NAV2: variants seen among roughly 807,000 people sequenced by gnomAD.
The protein encoded by NAV2 is helicase, APC down-regulated 1.
A neutral mutation model predicts 223.2 loss-of-function variants in NAV2; 54 were observed. That is an observed-to-expected ratio of 0.24 (90% CI 0.19 to 0.30). The LOEUF (loss-of-function observed/expected upper bound fraction) is 0.30, where lower values mean the gene tolerates loss of function less well. NAV2 is among the 10% of genes least tolerant of loss of function. The pLI is 1.00. For synonymous variants in NAV2, 1,279 were observed against 1,239.3 expected (o/e 1.03, Z -0.67); for missense variants, 2,806 against 3,147.5 (o/e 0.89, Z 2.60).
intron 1 of NAV2, among the ~76,000 whole-genome samples, chr11:19,521,288 C>A (rs1007539461): frequency 6.6e-5 from 10 of 152,118 alleles, no homozygotes; most frequent in African/African-American, 2.4e-4. Flanking sequence ...TGAGGAGACA[C>A]CAGGCTTCCT....
At chr11:19,812,366 G>A (rs996738734) in intron 1 of NAV2, among the ~76,000 whole-genome samples, 1 of 151,886 alleles carries the variant, frequency 6.6e-6, no homozygotes, top group Non-Finnish European at 1.5e-5. Context: ...TCCACTCCTG[G>A]CCATTCACTC....
At chr11:20,035,840 C>A in intron 11 of NAV2, 119 bp from the exon 12 acceptor site, 1 of 1,165,184 alleles carries the variant, frequency 8.6e-7, no homozygotes, top group Non-Finnish European at 1.2e-6. Flanking sequence ...AGAGCTTTGT[C>A]CGGGGCTTCA....
intron 1 of NAV2, among the ~76,000 whole-genome samples, chr11:19,605,928 A>C (rs2046465487): frequency 6.6e-6 from 1 of 152,146 alleles, no homozygotes; most frequent in African/African-American, 2.4e-5. Flanking sequence ...ATGAGGAGAG[A>C]GGGATAGTGG....
intron 1 of NAV2, among the ~76,000 whole-genome samples, chr11:19,772,310 G>A (rs1375002191): frequency 6.6e-6 from 1 of 152,192 alleles, no homozygotes; most frequent in Non-Finnish European, 1.5e-5. Context: ...GCAGACAACT[G>A]CAGAAATAGG....
chr11:19,714,838 C>T (rs1488012960), intron 1 of NAV2, among the ~76,000 whole-genome samples: 1 of 152,198 alleles, frequency 6.6e-6, no homozygotes, highest in African/African-American at 2.4e-5. Flanking sequence ...TTCTCTTGGT[C>T]CTCCCCGCTC....
chr11:19,696,063 A>C (rs2049330364), intron 1 of NAV2, among the ~76,000 whole-genome samples: 1 of 152,050 alleles, frequency 6.6e-6, no homozygotes, highest in Non-Finnish European at 1.5e-5. Flanking sequence ...AAAATGCTAC[A>C]TGACACTGAG....
At chr11:19,942,954 G>A (rs1420260606) in intron 8 of NAV2, among the ~76,000 whole-genome samples, 2 of 152,192 alleles carry the variant, frequency 1.3e-5, no homozygotes, top group Non-Finnish European at 2.9e-5. Context: ...CTGCACTCCA[G>A]CCTGAGCAAC....
intron 10 of NAV2, among the ~76,000 whole-genome samples, chr11:19,969,751 G>A (rs1391238406): frequency 6.6e-6 from 1 of 151,976 alleles, no homozygotes; most frequent in Non-Finnish European, 1.5e-5. Context: ...GACCATTGTG[G>A]TTAACATGGT....
intron 1 of NAV2, among the ~76,000 whole-genome samples, chr11:19,357,020 A>T (rs981535409): frequency 1.3e-5 from 2 of 152,200 alleles, no homozygotes; most frequent in Non-Finnish European, 2.9e-5. Flanking sequence ...GATAGCTCTG[A>T]ACATAAGTAA....
chr11:19,615,976 C>T (rs753626824), intron 1 of NAV2, among the ~76,000 whole-genome samples: 20 of 152,290 alleles, frequency 1.3e-4, no homozygotes, highest in Non-Finnish European at 1.9e-4. Flanking sequence ...GCCTCCCCAT[C>T]ATCATGCTCT....
chr11:19,976,158 G>A (rs955230170), intron 10 of NAV2, among the ~76,000 whole-genome samples: 1 of 152,074 alleles, frequency 6.6e-6, no homozygotes, highest in Admixed American at 6.6e-5. Flanking sequence ...ACCACTGCCC[G>A]GGTCCAGTGC....
intron 1 of NAV2, among the ~76,000 whole-genome samples, chr11:19,374,335 A>G (rs1426365390): frequency 1.7e-5 from 2 of 119,076 alleles, no homozygotes; most frequent in East Asian, 2.5e-4. Context: ...TTTTTTTTTA[A>G]AATCAGCTAT....
At chr11:19,807,288 C>T (rs919306343) in intron 1 of NAV2, among the ~76,000 whole-genome samples, 2 of 152,194 alleles carry the variant, frequency 1.3e-5, no homozygotes, top group African/African-American at 4.8e-5. Context: ...GGTCAGAACC[C>T]TGAAGCAGGA....
At chr11:19,739,731 C>T (rs1251195722) in intron 1 of NAV2, among the ~76,000 whole-genome samples, 1 of 152,162 alleles carries the variant, frequency 6.6e-6, no homozygotes, top group Non-Finnish European at 1.5e-5. Context: ...CTAGCTAAAC[C>T]TCTCTTTTGC....
intron 1 of NAV2, among the ~76,000 whole-genome samples, chr11:19,354,231 G>C (rs1853486500): frequency 6.6e-6 from 1 of 152,130 alleles, no homozygotes; most frequent in African/African-American, 2.4e-5. Context: ...TTTTCTTGAA[G>C]CCTATGTTTT....
chr11:19,722,992 C>G (rs1371114730), intron 1 of NAV2, among the ~76,000 whole-genome samples: 2 of 152,346 alleles, frequency 1.3e-5, no homozygotes, highest in East Asian at 3.9e-4. Context: ...GGAAGAAGAG[C>G]TGTGAGGATG....
intron 6 of NAV2, among the ~76,000 whole-genome samples, chr11:19,907,533 G>C (rs1275231254): frequency 6.6e-6 from 1 of 152,070 alleles, no homozygotes; most frequent in African/African-American, 2.4e-5. Context: ...ATAGGGGGAG[G>C]GGGAATTTGA....
chr11:19,626,046 A>G (rs908266179), intron 1 of NAV2, among the ~76,000 whole-genome samples: 4 of 152,104 alleles, frequency 2.6e-5, no homozygotes, highest in Admixed American at 1.3e-4. Flanking sequence ...ATATAATCCC[A>G]TATTTGTTTA....
intron 3 of NAV2, among the ~76,000 whole-genome samples, chr11:19,854,981 C>A (rs745810603): frequency 6.6e-6 from 1 of 152,114 alleles, no homozygotes; most frequent in Non-Finnish European, 1.5e-5. Context: ...GTTAATGCCC[C>A]ATGTTTGTAT....
Sources: gnomAD v4.1 joint callset for allele counts (sites outside exome capture counted in the v4.1 genomes callset) on GRCh38, gnomAD v4.1.1 for gene constraint, MANE v1.5 for transcripts, NCBI Gene and HGNC (gene_info 2026-07-23, HGNC 2026-07-21) for gene names.